NRG1: variants seen among roughly 807,000 people sequenced by gnomAD.
NRG1 encodes the protein pro-neuregulin-1, membrane-bound isoform.
NRG1 carries 18 observed loss-of-function variants against 63.8 expected under a neutral mutation model. The ratio of observed to expected loss-of-function variants is 0.28; its 90% CI spans 0.19 to 0.42. NRG1 has a LOEUF of 0.42. NRG1 is among the 10% of genes least tolerant of loss of function. NRG1 has a pLI of 1.00. For synonymous variants in NRG1, 302 were observed against 301.3 expected, an observed-to-expected ratio of 1.00 and a Z score of -0.02; for missense variants, 762 against 814.7, an observed-to-expected ratio of 0.94 and a Z score of 0.79.
rs1554658204 is a variant in NRG1 at position 32,222,034 on chromosome 8, T to TATACAC, written c.38-373793_38-373792insTACACA. On this transcript the variant is annotated intron_variant, in intron 1 of 10. Transcript: ENST00000519301. ...TAAAGTGTCTATATGGAAACATACA[T>TATACAC]ACACACACACACACACACACACACA... 3.0e-3 allele frequency among the ~76,000 whole-genome samples: 439 copies of TATACAC among 148,688 alleles called. 2 individuals carry two copies. Among genetic ancestry groups the TATACAC allele is most frequent in the African/African-American group, 9.3e-3 (376 of 40,606 alleles).
At chr8:32,376,205 C>T (rs2129483050) in intron 1 of NRG1, among the ~76,000 whole-genome samples, 1 of 152,286 alleles carries the variant, frequency 6.6e-6, no homozygotes, top group Non-Finnish European at 1.5e-5. Flanking sequence ...TGGTGTTAGG[C>T]TCCATATTTG....
At chr8:32,040,274 T>A (rs919541009) in intron 1 of NRG1, among the ~76,000 whole-genome samples, 1 of 152,234 alleles carries the variant, frequency 6.6e-6, no homozygotes, top group African/African-American at 2.4e-5. Context: ...AGCAACCATT[T>A]GCCTATGTGT....
intron 1 of NRG1, among the ~76,000 whole-genome samples, chr8:31,645,221 A>G (rs1044626334): frequency 1.3e-5 from 2 of 152,120 alleles, no homozygotes; most frequent in African/African-American, 4.8e-5. Context: ...TTTACCCCCA[A>G]CCTCTCCAGA....
chr8:31,669,342 A>G (rs1806872330), intron 1 of NRG1, among the ~76,000 whole-genome samples: 1 of 151,680 alleles, frequency 6.6e-6, no homozygotes, highest in African/African-American at 2.4e-5. Flanking sequence ...GGTTCAAGCG[A>G]TTCTCCTGCC....
At chr8:32,649,694 T>A (rs1854574783) in intron 5 of NRG1, among the ~76,000 whole-genome samples, 1 of 152,098 alleles carries the variant, frequency 6.6e-6, no homozygotes, top group South Asian at 2.1e-4. Flanking sequence ...AACACCAGAT[T>A]CAGTGGCAAA....
At chr8:31,891,587 T>C (rs1329593140) in intron 1 of NRG1, among the ~76,000 whole-genome samples, 1 of 152,194 alleles carries the variant, frequency 6.6e-6, no homozygotes, top group Admixed American at 6.5e-5. Flanking sequence ...TTCAATTTCA[T>C]AAATTAAACA....
chr8:32,756,503 C>A (rs749037886), exon 9 of NRG1: 1 of 1,612,094 alleles, frequency 6.2e-7, no homozygotes, highest in South Asian at 1.1e-5. Flanking sequence ...TCCTAACCCA[C>A]CCCCCGAGAA....
At chr8:32,467,566 A>G (rs1377718937) in intron 1 of NRG1, among the ~76,000 whole-genome samples, 1 of 152,212 alleles carries the variant, frequency 6.6e-6, no homozygotes. Flanking sequence ...CATAGAAATC[A>G]CTTATTCATT....
chr8:31,662,659 C>T (rs1806113503), intron 1 of NRG1, among the ~76,000 whole-genome samples: 1 of 152,164 alleles, frequency 6.6e-6, no homozygotes, highest in African/African-American at 2.4e-5. Flanking sequence ...ATCCTACCAA[C>T]TTAATAGGTG....
intron 1 of NRG1, among the ~76,000 whole-genome samples, chr8:31,904,588 G>A (rs575723530): frequency 1.1e-4 from 16 of 152,218 alleles, no homozygotes; most frequent in Middle Eastern, 3.4e-3. Flanking sequence ...TATGTTCATC[G>A]CAGCAGTGTT....
chr8:31,820,923 C>T (rs1447169924), intron 1 of NRG1, among the ~76,000 whole-genome samples: 1 of 152,022 alleles, frequency 6.6e-6, no homozygotes, highest in Non-Finnish European at 1.5e-5. Flanking sequence ...AAGTAGTGTC[C>T]CTTGATACCC....
intron 1 of NRG1, among the ~76,000 whole-genome samples, chr8:31,808,377 G>T (rs1406621424): frequency 6.6e-6 from 1 of 151,916 alleles, no homozygotes; most frequent in Admixed American, 6.6e-5. Flanking sequence ...TAGAATTTTA[G>T]AGTGAGTAAC....
chr8:31,935,768 G>A (rs1434906469), intron 1 of NRG1, among the ~76,000 whole-genome samples: 4 of 152,108 alleles, frequency 2.6e-5, no homozygotes, highest in South Asian at 2.1e-4. Flanking sequence ...AAGTATCCCT[G>A]GTCTTTTCAT....
intron 1 of NRG1, among the ~76,000 whole-genome samples, chr8:32,348,396 T>C (rs1319921866): frequency 6.6e-6 from 1 of 152,200 alleles, no homozygotes; most frequent in East Asian, 1.9e-4. Flanking sequence ...TAAACAAATG[T>C]AAGAGTCTGG....
intron 1 of NRG1, among the ~76,000 whole-genome samples, chr8:31,934,524 C>T (rs892663220): frequency 6.8e-6 from 1 of 147,186 alleles, no homozygotes; most frequent in Non-Finnish European, 1.5e-5. Context: ...CTCCCGGGTT[C>T]AAGCGATTCC....
intron 1 of NRG1, among the ~76,000 whole-genome samples, chr8:32,276,066 T>C (rs1563260116): frequency 6.6e-6 from 1 of 152,160 alleles, no homozygotes; most frequent in Non-Finnish European, 1.5e-5. Flanking sequence ...TCCTCTCTTC[T>C]AGCCTTCTGA....
rs1275300956 is a variant in NRG1, at chr8:31,852,420, T to G, written c.37+212989T>G. Among the ~76,000 whole-genome samples, 8 of 152,204 alleles carry G rather than the reference T, an allele frequency of 5.3e-5. No homozygotes were observed. The East Asian group carries it at 9.7e-4, about 18-fold the overall frequency. ...CATAAATGTCTTCTTTTGAGAAGTG[T>G]CTGTTCACGTCCTACGCCCACTTCT... On this transcript the variant is annotated intron_variant, in intron 1 of 10. Transcript: ENST00000519301.
intron 1 of NRG1, among the ~76,000 whole-genome samples, chr8:32,239,127 A>C (rs16879020): frequency 0.044 from 6,693 of 152,304 alleles, 313 homozygotes; most frequent in African/African-American, 0.12. Flanking sequence ...ACAGAGCAGT[A>C]AGAATTTCTT....
At chr8:32,247,523 A>T (rs1047768265) in intron 1 of NRG1, among the ~76,000 whole-genome samples, 1 of 152,096 alleles carries the variant, frequency 6.6e-6, no homozygotes, top group South Asian at 2.1e-4. Flanking sequence ...GCCCTCTGGG[A>T]GATATCAAAG....
Sources: gnomAD v4.1 joint callset for allele counts (sites outside exome capture counted in the v4.1 genomes callset) on GRCh38, gnomAD v4.1.1 for gene constraint, MANE v1.5 for transcripts, NCBI Gene and HGNC (gene_info 2026-07-23, HGNC 2026-07-21) for gene names.